The following CNOT2 variants were observed in gnomAD, a reference collection of about 807,000 sequenced individuals.
CNOT2 encodes CCR4-NOT transcription complex subunit 2.
CNOT2 carries 7 observed loss-of-function variants against 72.1 expected under a neutral mutation model. The observed-to-expected ratio is 0.10, with a 90% confidence interval of 0.06 to 0.18. The LOEUF is 0.18. Among genes scored for constraint, CNOT2 ranks in the 10% least tolerant of loss-of-function variants. CNOT2 has a pLI of 1.00. For missense variants in CNOT2, 345 were observed against 660.3 expected (o/e 0.52, Z 5.23); for synonymous variants, 196 against 225.6 (o/e 0.87, Z 1.17).
intron 7 of CNOT2, among the ~76,000 whole-genome samples, chr12:70,333,328 A>G (rs891028768): frequency 7.9e-5 from 12 of 151,894 alleles, no homozygotes; most frequent in Non-Finnish European, 8.8e-5. Flanking sequence ...ACCTTTATGA[A>G]TTGTTGATTC....
At chr12:70,351,855 T>G (rs1277264832) in intron 15 of CNOT2, among the ~76,000 whole-genome samples, 1 of 152,204 alleles carries the variant, frequency 6.6e-6, no homozygotes, top group East Asian at 1.9e-4. Context: ...GGGGGAGTAG[T>G]GCTACACAGT....
chr12:70,282,909 A>G (rs1051563641), intron 2 of CNOT2, among the ~76,000 whole-genome samples: 1 of 152,198 alleles, frequency 6.6e-6, no homozygotes, highest in Non-Finnish European at 1.5e-5. Flanking sequence ...AATTTCCTAG[A>G]TATAGCTAAA....
At chr12:70,289,600 G>T (rs1306734287) in intron 2 of CNOT2, among the ~76,000 whole-genome samples, 1 of 151,980 alleles carries the variant, frequency 6.6e-6, no homozygotes, top group African/African-American at 2.4e-5. Context: ...TTGTCCCATA[G>T]CTTACTGATG....
chr12:70,304,306 C>T (rs1206319143), intron 2 of CNOT2, among the ~76,000 whole-genome samples: 1 of 152,142 alleles, frequency 6.6e-6, no homozygotes, highest in African/African-American at 2.4e-5. Context: ...AGTTTTTCTG[C>T]TCTGTTTTTT....
chr12:70,283,491 A>C (rs1024227936), intron 2 of CNOT2, among the ~76,000 whole-genome samples: 4 of 151,646 alleles, frequency 2.6e-5, no homozygotes, highest in Non-Finnish European at 5.9e-5. Flanking sequence ...ATAGATAGAT[A>C]GATAGATAGA....
chr12:70,319,256 C>T, intron 3 of CNOT2, 42 bp from the exon 4 acceptor site: 1 of 1,549,882 alleles, frequency 6.5e-7, no homozygotes, highest in South Asian at 1.1e-5. Flanking sequence ...CAATGCTCTG[C>T]TCTGTTTTCT....
At chr12:70,334,992 C>T (rs1200853102) in intron 7 of CNOT2, 1 of 155,470 alleles carries the variant, frequency 6.4e-6, no homozygotes, top group African/African-American at 2.4e-5. Context: ...TCAGCTATAT[C>T]TTTCTGGCCA....
intron 1 of CNOT2, among the ~76,000 whole-genome samples, chr12:70,265,576 T>A (rs1959001982): frequency 6.6e-6 from 1 of 152,084 alleles, no homozygotes; most frequent in South Asian, 2.1e-4. Context: ...TTTTGGTGAT[T>A]TTCCTTTTAA....
chr12:70,328,307 A>G (rs1178309429), intron 4 of CNOT2, among the ~76,000 whole-genome samples: 2 of 151,912 alleles, frequency 1.3e-5, no homozygotes, highest in Admixed American at 6.6e-5. Flanking sequence ...TTATTATGCC[A>G]AAGGATAAAA....
chr12:70,295,399 A>G (rs1705313490), intron 2 of CNOT2, among the ~76,000 whole-genome samples: 1 of 152,120 alleles, frequency 6.6e-6, no homozygotes, highest in African/African-American at 2.4e-5. Context: ...CTCTATATAA[A>G]CACATCTCCC....
intron 15 of CNOT2, 153 bp downstream of exon 15, chr12:70,346,477 A>T (rs1593289495): frequency 3.7e-6 from 2 of 543,862 alleles, no homozygotes; most frequent in Non-Finnish European, 6.3e-6. Context: ...TGACACTCTT[A>T]GAAGAGTGTC....
intron 8 of CNOT2, chr12:70,336,096 A>T (rs993125996): frequency 6.6e-6 from 1 of 152,448 alleles, no homozygotes; most frequent in Admixed American, 6.5e-5. Flanking sequence ...GGCCTACAAG[A>T]TGCTAGTAGC....
At chr12:70,270,741 T>C (rs1418914205) in intron 1 of CNOT2, among the ~76,000 whole-genome samples, 1 of 152,236 alleles carries the variant, frequency 6.6e-6, no homozygotes, top group African/African-American at 2.4e-5. Flanking sequence ...AACTACTCTC[T>C]AGTTTACCCT....
chr12:70,326,118 A>G (rs1321553539), intron 4 of CNOT2, among the ~76,000 whole-genome samples: 1 of 151,846 alleles, frequency 6.6e-6, no homozygotes, highest in African/African-American at 2.4e-5. Context: ...GTAGGAATCT[A>G]TTTAGAATGT....
chr12:70,337,315 A>G (rs903970464), intron 8 of CNOT2, 74 bp from the exon 9 acceptor site: 1 of 1,291,666 alleles, frequency 7.7e-7, no homozygotes, highest in Non-Finnish European at 1.1e-6. Flanking sequence ...ATCATGAGGA[A>G]AGTTAACTTT....
intron 2 of CNOT2, among the ~76,000 whole-genome samples, chr12:70,302,057 G>C (rs1372043609): frequency 6.6e-6 from 1 of 152,198 alleles, no homozygotes; most frequent in Non-Finnish European, 1.5e-5. Context: ...TGTGGGATCA[G>C]TGGTGATATC....
intron 2 of CNOT2, among the ~76,000 whole-genome samples, chr12:70,280,383 A>G (rs1051397315): frequency 6.6e-6 from 1 of 152,166 alleles, no homozygotes; most frequent in Non-Finnish European, 1.5e-5. Context: ...AAGGTATTGT[A>G]TATTTCAAAA....
At chr12:70,319,548 C>T (rs985485458) in intron 4 of CNOT2, among the ~76,000 whole-genome samples, 184 bp downstream of exon 4, 2 of 151,626 alleles carry the variant, frequency 1.3e-5, no homozygotes, top group African/African-American at 4.8e-5. Flanking sequence ...CTTATTGATC[C>T]TATGGTTGCT....
At chr12:70,315,508 A>G (rs1877181635) in intron 3 of CNOT2, among the ~76,000 whole-genome samples, 2 of 151,996 alleles carry the variant, frequency 1.3e-5, no homozygotes, top group African/African-American at 2.4e-5. Context: ...ATCATTTTTT[A>G]ATTGCTGTCA....
Sources: gnomAD v4.1 joint callset for allele counts (sites outside exome capture counted in the v4.1 genomes callset) on GRCh38, gnomAD v4.1.1 for gene constraint, MANE v1.5 for transcripts, NCBI Gene and HGNC (gene_info 2026-07-23, HGNC 2026-07-21) for gene names.